Variants in MAP2 observed in about 807,000 individuals in gnomAD.
The protein encoded by MAP2 is microtubule associated protein 2.
MAP2 carries 14 observed loss-of-function variants against 137.6 expected under a neutral mutation model. The observed-to-expected ratio is 0.10, with a 90% confidence interval of 0.07 to 0.16. MAP2 has a LOEUF of 0.16. Ranked by LOEUF, MAP2 falls within the 10% of genes least tolerant of loss-of-function variation. The probability of loss-of-function intolerance (pLI) is 1.00; values close to 1 mark genes in which losing one functional copy is unlikely to be tolerated. For missense variants in MAP2, 2,088 were observed against 2,191.5 expected, an observed-to-expected ratio of 0.95 and a Z score of 0.94; for synonymous variants, 786 against 782.3, an observed-to-expected ratio of 1.00 and a Z score of -0.08.
intron 2 of MAP2, among the ~76,000 whole-genome samples, chr2:209,575,466 AG>A (rs1049005358): frequency 1.2e-4 from 16 of 136,188 alleles, no homozygotes; most frequent in African/African-American, 4.6e-4. Context: ...GCTTGCAGTG[AG>A]CCGAGATCGC....
chr2:209,512,606 C>T (rs34568125), intron 2 of MAP2, among the ~76,000 whole-genome samples: 8,667 of 148,330 alleles, frequency 0.058, 290 homozygotes, highest in South Asian at 0.094. Context: ...CACACAAACA[C>T]ATATATATAT....
intron 1 of MAP2, among the ~76,000 whole-genome samples, chr2:209,492,442 C>A (rs2059233668): frequency 6.6e-6 from 1 of 152,114 alleles, no homozygotes; most frequent in South Asian, 2.1e-4. Flanking sequence ...CTGGCCAGAG[C>A]AGTCAGGCAA....
At chr2:209,647,448 A>G (rs1018208175) in intron 4 of MAP2, among the ~76,000 whole-genome samples, 2 of 152,228 alleles carry the variant, frequency 1.3e-5, no homozygotes, top group Non-Finnish European at 2.9e-5. Context: ...ATGTGTTAAA[A>G]AGACGAGAAA....
intron 1 of MAP2, among the ~76,000 whole-genome samples, chr2:209,446,396 G>A (rs539362405): frequency 3.3e-5 from 5 of 151,784 alleles, no homozygotes; most frequent in African/African-American, 1.2e-4. Context: ...CCCAAGGGTA[G>A]CTTGTATTTT....
intron 2 of MAP2, among the ~76,000 whole-genome samples, chr2:209,512,401 A>G (rs1376669771): frequency 6.6e-6 from 1 of 151,972 alleles, no homozygotes; most frequent in Admixed American, 6.6e-5. Flanking sequence ...AAAACAAACA[A>G]ACAAACAAAT....
chr2:209,626,873 G>A (rs1156347333), intron 4 of MAP2, among the ~76,000 whole-genome samples: 1 of 152,060 alleles, frequency 6.6e-6, no homozygotes. Context: ...GCATTTTAAA[G>A]GTTTAATGTT....
chr2:209,702,706 G>A (rs1183230723), intron 11 of MAP2, among the ~76,000 whole-genome samples: 5 of 151,632 alleles, frequency 3.3e-5, no homozygotes, highest in Non-Finnish European at 5.9e-5. Context: ...TCTATATCAC[G>A]CTTTTGAAAT....
chr2:209,461,799 ATCT>A (rs1702884125), intron 1 of MAP2, among the ~76,000 whole-genome samples: 1 of 151,964 alleles, frequency 6.6e-6, no homozygotes, highest in Non-Finnish European at 1.5e-5. Flanking sequence ...TTGGTCTCTA[ATCT>A]TCTAGTATTT....
At chr2:209,705,989 T>C (rs1186495655) in intron 12 of MAP2, among the ~76,000 whole-genome samples, 1 of 152,180 alleles carries the variant, frequency 6.6e-6, no homozygotes, top group South Asian at 2.1e-4. Context: ...TATATTTTTC[T>C]TTTTGCTTCA....
At chr2:209,599,684 G>A (rs1012238364) in intron 3 of MAP2, among the ~76,000 whole-genome samples, 9 of 152,096 alleles carry the variant, frequency 5.9e-5, no homozygotes, top group African/African-American at 2.2e-4. Context: ...TGGAGTCTAT[G>A]GCTGGTAAAT....
At chr2:209,438,600 A>G (rs1696957401) in intron 1 of MAP2, among the ~76,000 whole-genome samples, 1 of 151,504 alleles carries the variant, frequency 6.6e-6, no homozygotes, top group African/African-American at 2.4e-5. Flanking sequence ...AGAAGATTCT[A>G]TATGTTTATG....
chr2:209,436,007 A>AGTATATATTATATATAATATATACT lies in MAP2; in HGVS notation c.-222+11748_-222+11749insTATATACTGTATATATTATATATAA, dbSNP rs1559159597. Among the ~76,000 whole-genome samples, 202 of 81,718 alleles carry AGTATATATTATATATAATATATACT rather than the reference A, an allele frequency of 2.5e-3. 25 individuals are homozygous for AGTATATATTATATATAATATATACT. Among genetic ancestry groups the AGTATATATTATATATAATATATACT allele is most frequent in the Non-Finnish European group, 3.5e-3 (165 of 47,008 alleles). The allele number at this position is 81,718 out of a possible 152,430, so 53.6% of individuals were successfully genotyped here. On this transcript the variant is annotated intron_variant, in intron 1 of 15. Coordinates refer to ENST00000682079, the MANE Select transcript of MAP2 (RefSeq NM_001375505.1). Reference sequence around the variant, plus strand: ...AGTATATATTATATACTATATATACAGTATATATTATATATAAAATATATA... The same window carrying AGTATATATTATATATAATATATACT: ...AGTATATATTATATACTATATATACAGTATATATTATATATAATATATACTGTATATATTATATATAAAATATATA...
intron 10 of MAP2, among the ~76,000 whole-genome samples, chr2:209,699,201 A>T (rs1372167458): frequency 6.6e-6 from 1 of 152,172 alleles, no homozygotes; most frequent in Non-Finnish European, 1.5e-5. Flanking sequence ...CCTTAAAAAC[A>T]ATGAGTCCTA....
At chr2:209,424,558 A>G (rs1691997641) in intron 1 of MAP2, among the ~76,000 whole-genome samples, 1 of 152,186 alleles carries the variant, frequency 6.6e-6, no homozygotes, top group African/African-American at 2.4e-5. Context: ...CTTTGAAACA[A>G]CTGAAAACTT....
At chr2:209,470,018 G>A (rs773441918) in intron 1 of MAP2, among the ~76,000 whole-genome samples, 35 of 152,174 alleles carry the variant, frequency 2.3e-4, no homozygotes, top group Non-Finnish European at 4.7e-4. Flanking sequence ...TTTCTGTTCT[G>A]TAGGTCTACA....
chr2:209,706,902 G>A (rs1441579790), intron 12 of MAP2, among the ~76,000 whole-genome samples: 5 of 152,046 alleles, frequency 3.3e-5, no homozygotes, highest in Admixed American at 6.6e-5. Context: ...TAGAGTATTA[G>A]CATCCTTTGA....
At chr2:209,629,976 A>T (rs970225557) in intron 4 of MAP2, among the ~76,000 whole-genome samples, 4 of 152,158 alleles carry the variant, frequency 2.6e-5, no homozygotes, top group Admixed American at 6.6e-5. Context: ...TCTTATTAGG[A>T]GGGTGCTGTT....
At chr2:209,614,887 C>T (rs1317400462) in intron 3 of MAP2, among the ~76,000 whole-genome samples, 2 of 152,170 alleles carry the variant, frequency 1.3e-5, no homozygotes, top group South Asian at 2.1e-4. Context: ...TAATTGTAAA[C>T]TCTTCCGCAA....
intron 1 of MAP2, among the ~76,000 whole-genome samples, chr2:209,488,878 G>A (rs573983478): frequency 3.3e-5 from 5 of 152,332 alleles, no homozygotes; most frequent in Middle Eastern, 3.4e-3. Context: ...CGACTTAAAC[G>A]TTCCTGCCTG....
Sources: gnomAD v4.1 joint callset for allele counts (sites outside exome capture counted in the v4.1 genomes callset) on GRCh38, gnomAD v4.1.1 for gene constraint, MANE v1.5 for transcripts, NCBI Gene and HGNC (gene_info 2026-07-23, HGNC 2026-07-21) for gene names.